Variants in ETV6 observed in about 807,000 individuals in gnomAD.
ETV6 encodes the protein transcription factor ETV6.
ETV6 carries 16 observed loss-of-function variants against 51.1 expected under a neutral mutation model. The ratio of observed to expected loss-of-function variants is 0.31; its 90% confidence interval spans 0.21 to 0.48. The LOEUF (loss-of-function observed/expected upper bound fraction) is 0.48. Among genes scored for constraint, ETV6 ranks in the 20% least tolerant of loss-of-function variants. ETV6 has a pLI of 0.99. For missense variants in ETV6, 458 were observed against 594.8 expected (o/e 0.77, Z 2.39); for synonymous variants, 240 against 224.1 (o/e 1.07, Z -0.64).
At chr12:11,787,180 A>C (rs1170995120) in intron 2 of ETV6, among the ~76,000 whole-genome samples, 1 of 152,220 alleles carries the variant, frequency 6.6e-6, no homozygotes, top group African/African-American at 2.4e-5. Flanking sequence ...GGAGTTATAA[A>C]TGTGAAAATG....
At chr12:11,790,116 T>C (rs1198376749) in intron 2 of ETV6, among the ~76,000 whole-genome samples, 2 of 151,440 alleles carry the variant, frequency 1.3e-5, no homozygotes, top group East Asian at 1.9e-4. Context: ...TTTTTGTTTC[T>C]GATATCATAC....
intron 2 of ETV6, among the ~76,000 whole-genome samples, chr12:11,805,513 TA>T (rs140254866): frequency 0.17 from 25,301 of 152,176 alleles, 2,237 homozygotes; most frequent in Middle Eastern, 0.28. Context: ...TTTGAAAGCA[TA>T]AAATACAGAA....
At chr12:11,804,687 C>T (rs1014665202) in intron 2 of ETV6, among the ~76,000 whole-genome samples, 2 of 152,218 alleles carry the variant, frequency 1.3e-5, no homozygotes, top group African/African-American at 4.8e-5. Context: ...TTATCCTGCA[C>T]TATTTTTCTT....
chr12:11,655,827 T>C (rs1863989492), intron 1 of ETV6, among the ~76,000 whole-genome samples: 2 of 152,250 alleles, frequency 1.3e-5, no homozygotes, highest in East Asian at 1.9e-4. Context: ...GTGTGGACTC[T>C]CAGATGAGCA....
chr12:11,665,126 GC>G (rs1215241048), intron 1 of ETV6, among the ~76,000 whole-genome samples: 7 of 152,130 alleles, frequency 4.6e-5, no homozygotes, highest in African/African-American at 1.7e-4. Context: ...TCCCATCTCA[GC>G]CTCCCGAGTA....
At chr12:11,794,429 G>A (rs1482754351) in intron 2 of ETV6, among the ~76,000 whole-genome samples, 5 of 152,298 alleles carry the variant, frequency 3.3e-5, no homozygotes, top group Admixed American at 2.0e-4. Context: ...CGCTCCAGGC[G>A]TTTGGCGCCT....
At chr12:11,704,587 TC>T (rs1865039077) in intron 1 of ETV6, among the ~76,000 whole-genome samples, 1 of 152,192 alleles carries the variant, frequency 6.6e-6, no homozygotes, top group Admixed American at 6.5e-5. Context: ...CCTCAAGTGT[TC>T]CGCCCACCTT....
intron 2 of ETV6, among the ~76,000 whole-genome samples, chr12:11,773,524 G>T (rs537151622): frequency 5.9e-5 from 9 of 152,230 alleles, no homozygotes; most frequent in African/African-American, 2.2e-4. Flanking sequence ...TTATTTTATT[G>T]TAATCCGCTA....
At chr12:11,659,307 T>A (rs1864056618) in intron 1 of ETV6, among the ~76,000 whole-genome samples, 1 of 152,174 alleles carries the variant, frequency 6.6e-6, no homozygotes. Context: ...ACATGGCAGA[T>A]GAGAAGATGA....
intron 2 of ETV6, among the ~76,000 whole-genome samples, chr12:11,762,052 A>T (rs1945093429): frequency 6.6e-6 from 1 of 152,176 alleles, no homozygotes; most frequent in South Asian, 2.1e-4. Context: ...AAATAGGGAA[A>T]TCCAACACCC....
intron 4 of ETV6, among the ~76,000 whole-genome samples, chr12:11,861,847 A>G (rs1441838850): frequency 6.6e-6 from 1 of 152,118 alleles, no homozygotes; most frequent in Admixed American, 6.5e-5. Flanking sequence ...GATTGAGAGG[A>G]TTACCCAAAC....
At chr12:11,815,509 G>A (rs1945978257) in intron 2 of ETV6, among the ~76,000 whole-genome samples, 1 of 152,202 alleles carries the variant, frequency 6.6e-6, no homozygotes. Flanking sequence ...TTCTGATCCT[G>A]GCCCTCCGTC....
chr12:11,751,180 C>G (rs138449124), intron 1 of ETV6, among the ~76,000 whole-genome samples: 1 of 152,178 alleles, frequency 6.6e-6, no homozygotes, highest in Non-Finnish European at 1.5e-5. Context: ...GCCAGACTTT[C>G]TAGGCTATGA....
chr12:11,824,235 C>A (rs1411516870), intron 2 of ETV6, among the ~76,000 whole-genome samples: 1 of 152,208 alleles, frequency 6.6e-6, no homozygotes, highest in Admixed American at 6.5e-5. Flanking sequence ...CCCCAAGTCC[C>A]ACCTTAATGG....
At chr12:11,790,833 A>G (rs1945574723) in intron 2 of ETV6, among the ~76,000 whole-genome samples, 1 of 151,814 alleles carries the variant, frequency 6.6e-6, no homozygotes, top group African/African-American at 2.4e-5. Flanking sequence ...GCGCGCCACC[A>G]CACCCGGCTA....
intron 2 of ETV6, among the ~76,000 whole-genome samples, chr12:11,783,650 C>G (rs899981860): frequency 1.3e-5 from 2 of 151,934 alleles, no homozygotes; most frequent in Non-Finnish European, 2.9e-5. Flanking sequence ...GAACAGAGTC[C>G]TTGTAGAAGT....
intron 3 of ETV6, among the ~76,000 whole-genome samples, chr12:11,842,442 T>A (rs1946405871): frequency 8.6e-6 from 1 of 116,376 alleles, no homozygotes; most frequent in East Asian, 2.0e-4. Flanking sequence ...ACACACACAG[T>A]GTTATACATT....
At chr12:11,780,498 C>T (rs940417764) in intron 2 of ETV6, among the ~76,000 whole-genome samples, 1 of 152,188 alleles carries the variant, frequency 6.6e-6, no homozygotes, top group African/African-American at 2.4e-5. Context: ...TTGGGCAGCT[C>T]ATTGGCTGAT....
intron 4 of ETV6, among the ~76,000 whole-genome samples, chr12:11,859,332 A>G (rs1044734186): frequency 2.6e-5 from 4 of 151,286 alleles, no homozygotes; most frequent in East Asian, 3.9e-4. Flanking sequence ...TAGTAGAGAC[A>G]GGGTTTCGCC....
Sources: gnomAD v4.1 joint callset for allele counts (sites outside exome capture counted in the v4.1 genomes callset) on GRCh38, gnomAD v4.1.1 for gene constraint, MANE v1.5 for transcripts, NCBI Gene and HGNC (gene_info 2026-07-23, HGNC 2026-07-21) for gene names.